MBD5: variants seen among roughly 807,000 people sequenced by gnomAD.
The protein encoded by MBD5 is methyl-CpG-binding domain protein 5.
Under a neutral mutation model 117.3 loss-of-function variants are expected in MBD5, and 13 were observed. The ratio of observed to expected loss-of-function variants is 0.11; its 90% CI spans 0.07 to 0.18. MBD5 has a LOEUF of 0.18. Ranked by LOEUF, MBD5 falls within the 10% of genes least tolerant of loss-of-function variation. The pLI is 1.00. For synonymous variants in MBD5, 727 were observed against 766.4 expected (o/e 0.95, Z 0.85); for missense variants, 1,879 against 2,093.8 (o/e 0.90, Z 2.00).
chr2:148,484,429 A>G (rs1305792061), intron 9 of MBD5, among the ~76,000 whole-genome samples: 2 of 152,180 alleles, frequency 1.3e-5, no homozygotes, highest in African/African-American at 4.8e-5. Context: ...TAAACCAAGT[A>G]GAGTCTCATT....
chr2:148,079,686 G>T (rs371662082), intron 1 of MBD5, among the ~76,000 whole-genome samples: 1 of 151,922 alleles, frequency 6.6e-6, no homozygotes, highest in South Asian at 2.1e-4. Flanking sequence ...GTGAAACCCC[G>T]TCTCTACTAA....
chr2:148,347,169 A>G (rs1423358761), intron 4 of MBD5: 1 of 152,072 alleles, frequency 6.6e-6, no homozygotes, highest in African/African-American at 2.4e-5. Flanking sequence ...TACTTATGTT[A>G]TATCAAACAT....
intron 2 of MBD5, among the ~76,000 whole-genome samples, chr2:148,225,031 T>C (rs994195377): frequency 6.6e-6 from 1 of 152,142 alleles, no homozygotes; most frequent in Non-Finnish European, 1.5e-5. Flanking sequence ...AGCAACTCAA[T>C]GTCTTTTGAT....
At chr2:148,427,240 G>C (rs188645664) in intron 4 of MBD5, among the ~76,000 whole-genome samples, 1 of 152,112 alleles carries the variant, frequency 6.6e-6, no homozygotes, top group Non-Finnish European at 1.5e-5. Context: ...GGAAGTTGGC[G>C]TGGCGATTCC....
At chr2:148,378,692 G>A (rs1329946439) in intron 4 of MBD5, among the ~76,000 whole-genome samples, 1 of 151,744 alleles carries the variant, frequency 6.6e-6, no homozygotes, top group African/African-American at 2.4e-5. Flanking sequence ...TATTCATTTG[G>A]CTAGCTTTGT....
At chr2:148,279,126 AG>A (rs142884492) in intron 3 of MBD5, among the ~76,000 whole-genome samples, 1,922 of 152,256 alleles carry the variant, frequency 0.013, 38 homozygotes, top group African/African-American at 0.043. Context: ...GGGGCAGCCT[AG>A]TCATTCTAAT....
intron 3 of MBD5, among the ~76,000 whole-genome samples, chr2:148,325,813 G>A (rs998205677): frequency 9.2e-5 from 14 of 151,878 alleles, no homozygotes; most frequent in African/African-American, 2.4e-4. Context: ...TTTTTTGAAC[G>A]GTTTTTTGTG....
At chr2:148,342,150 C>G (rs1702963662) in intron 3 of MBD5, 64 bp from the exon 4 acceptor site, 1 of 151,962 alleles carries the variant, frequency 6.6e-6, no homozygotes, top group East Asian at 1.9e-4. Flanking sequence ...GCCAACAATA[C>G]TGTTAATGAT....
At chr2:148,257,790 GA>G (rs1158810643) in intron 3 of MBD5, among the ~76,000 whole-genome samples, 10 of 152,162 alleles carry the variant, frequency 6.6e-5, no homozygotes, top group Non-Finnish European at 1.3e-4. Context: ...ATGTGAAGGC[GA>G]ACTGTTCCTG....
chr2:148,233,439 C>T (rs1028093719), intron 3 of MBD5, 44 bp downstream of exon 3: 1 of 152,146 alleles, frequency 6.6e-6, no homozygotes, highest in African/African-American at 2.4e-5. Flanking sequence ...TGTTATTAAT[C>T]ATGTAGACAC....
chr2:148,258,467 G>T (rs1385213738), intron 3 of MBD5, among the ~76,000 whole-genome samples: 1 of 152,122 alleles, frequency 6.6e-6, no homozygotes, highest in African/African-American at 2.4e-5. Flanking sequence ...ACCGTACATT[G>T]GTGGGGGACC....
chr2:148,359,777 T>C (rs541260058), intron 4 of MBD5, among the ~76,000 whole-genome samples: 109 of 152,356 alleles, frequency 7.2e-4, no homozygotes, highest in Non-Finnish European at 1.4e-3. Flanking sequence ...TTAATTGTTG[T>C]GCTGGCATAT....
At position 148,458,604 on chromosome 2, in the gene MBD5, T is replaced by G. The variant is rs937391106; in HGVS notation, c.-155T>G. 4.4e-6 allele frequency: 3 copies of G among 674,744 alleles called. No homozygotes were observed. Among genetic ancestry groups the G allele is most frequent in the Non-Finnish European group, 8.1e-6 (3 of 369,332 alleles). The allele number at this position is 674,744 out of a possible 1,614,324, so 41.8% of individuals were successfully genotyped here. On this transcript the variant is annotated 5_prime_UTR_variant, in exon 5 of 14. Coordinates refer to ENST00000642680, the MANE Select transcript of MBD5 (RefSeq NM_001378120.1). ...TTCACAATGGCATATTTCAAGGACT[T>G]GGTTCCAAACTGAGCTGAAGCTTCC...
chr2:148,037,626 T>G (rs1694230362), intron 1 of MBD5, among the ~76,000 whole-genome samples: 1 of 151,836 alleles, frequency 6.6e-6, no homozygotes. Flanking sequence ...AAGCAGAAAT[T>G]TTTCTCAAAG....
intron 3 of MBD5, among the ~76,000 whole-genome samples, chr2:148,290,512 T>A (rs1701476591): frequency 6.6e-6 from 1 of 152,076 alleles, no homozygotes; most frequent in Non-Finnish European, 1.5e-5. Context: ...TCAATACAAA[T>A]TATCAGTCTC....
intron 1 of MBD5, among the ~76,000 whole-genome samples, chr2:148,133,077 G>A (rs1697089019): frequency 6.6e-6 from 1 of 152,078 alleles, no homozygotes; most frequent in Non-Finnish European, 1.5e-5. Flanking sequence ...GATATTGATA[G>A]TATTATAACA....
intron 1 of MBD5, among the ~76,000 whole-genome samples, chr2:148,053,586 T>C (rs867974888): frequency 6.6e-6 from 1 of 152,050 alleles, no homozygotes; most frequent in African/African-American, 2.4e-5. Flanking sequence ...TATTTATCTT[T>C]AACAGTATAT....
At chr2:148,044,545 G>T (rs1336032948) in intron 1 of MBD5, 1 of 152,092 alleles carries the variant, frequency 6.6e-6, no homozygotes, top group African/African-American at 2.4e-5. Context: ...TAATGTAGAT[G>T]ACTCAGTGAA....
intron 3 of MBD5, among the ~76,000 whole-genome samples, chr2:148,247,461 T>A (rs1460545954): frequency 6.6e-6 from 1 of 152,156 alleles, no homozygotes; most frequent in Admixed American, 6.5e-5. Flanking sequence ...TAAGTTACCA[T>A]GGGTTTTCAG....
Sources: gnomAD v4.1 joint callset for allele counts (sites outside exome capture counted in the v4.1 genomes callset) on GRCh38, gnomAD v4.1.1 for gene constraint, MANE v1.5 for transcripts, NCBI Gene and HGNC (gene_info 2026-07-23, HGNC 2026-07-21) for gene names.